The following VILL variants were observed in gnomAD, a reference collection of about 807,000 sequenced individuals.
VILL encodes villin like, also known as villin-like protein.
In VILL, 102 loss-of-function variants were observed where a neutral mutation model predicts 106.3. That is an observed-to-expected ratio of 0.96 (90% CI 0.82 to 1.13). The LOEUF (loss-of-function observed/expected upper bound fraction) is 1.13, where lower values mean the gene tolerates loss of function less well. Ranked by LOEUF, VILL falls within the 50% of genes most tolerant of loss-of-function variation. VILL has a pLI of 0.00. For synonymous variants in VILL, 431 were observed against 440.3 expected, an observed-to-expected ratio of 0.98 and a Z score of 0.27; for missense variants, 1,076 against 1,116.6, an observed-to-expected ratio of 0.96 and a Z score of 0.52.
At position 38,003,588 on chromosome 3, in the gene VILL, G is replaced by A. The variant is rs904469297; in HGVS notation, c.1805+275G>A. Reference sequence around the variant, plus strand: ...GCATTGTCCTGGTCCTGGGCCAGGGGACAAAGCACCCTTCCCCACCCTACA... The same window carrying A: ...GCATTGTCCTGGTCCTGGGCCAGGGAACAAAGCACCCTTCCCCACCCTACA... On this transcript the variant is annotated intron_variant, in intron 15 of 19. Coordinates refer to ENST00000383759, the MANE Select transcript of VILL (RefSeq NM_015873.4). The A allele has an allele frequency of 9.6e-5, 43 of 446,074 alleles. No individual in the cohort carries two copies. In the East Asian group the frequency reaches 1.8e-3, roughly 19 times the overall value. The allele number at this position is 446,074 out of a possible 1,614,324, so 27.6% of individuals were successfully genotyped here. A position where few individuals can be genotyped will look rare whatever the true frequency, so the allele number is the denominator to read the frequency against.
At chr3:37,993,173 C>G (rs570923459) in intron 1 of VILL, among the ~76,000 whole-genome samples, 1 of 152,228 alleles carries the variant, frequency 6.6e-6, no homozygotes, top group Admixed American at 6.5e-5. Context: ...CACTGTCATT[C>G]ACTGCCCTCT....
chr3:38,002,373 C>A, intron 13 of VILL, 23 bp from the exon 14 acceptor site: 2 of 1,581,070 alleles, frequency 1.3e-6, no homozygotes, highest in Non-Finnish European at 1.7e-6. Context: ...CCTTGCCCAG[C>A]CTGAGGCCTT....
In VILL at chr3:38,006,638, G is replaced by A. The variant is rs1253523138; in HGVS notation, c.2395G>A (p.Glu799Lys). 1.2e-5 allele frequency: 20 copies of A among 1,613,700 alleles called. No individual in the cohort carries two copies. Among genetic ancestry groups the A allele is most frequent in the Non-Finnish European group, 1.7e-5 (20 of 1,180,016 alleles). ...CACGATCAACGGGGGCCTGCGCCGG[G>A]AACAACTGATGCACCAGGCTGTTGA... ...SATINGGLRR[E>K]QLMHQAVEDL... Residue 799 changes from glutamate (E) to lysine (K), a missense_variant, in exon 19 of 20, where the codon GAA becomes AAA. By Grantham distance (56) the Glu-to-Lys change is moderately conservative (BLOSUM62 1). Coordinates refer to ENST00000383759, the MANE Select transcript of VILL (RefSeq NM_015873.4).
At chr3:37,995,323 C>T (rs1050081052) in intron 4 of VILL, among the ~76,000 whole-genome samples, 8 of 152,200 alleles carry the variant, frequency 5.3e-5, no homozygotes, top group Non-Finnish European at 1.2e-4. Context: ...CAAACATATG[C>T]GCAGATGCAG....
At position 37,997,692 on chromosome 3, in the gene VILL, AC is replaced by A. The variant is rs1699730376; in HGVS notation, c.764+11del. On this transcript the variant is annotated splice_region_variant and intron_variant, in intron 7 of 19. Transcript: ENST00000383759. The surrounding 1 kb of genome is among the most constrained non-coding windows in gnomAD (Gnocchi z 4.7). Reference sequence around the variant, plus strand: ...CCAATGTTCGCCTGTACCAGTGAGTACCCCTGGGGTGGGCAGGGGTGGGTGG... The same window carrying A: ...CCAATGTTCGCCTGTACCAGTGAGTACCCTGGGGTGGGCAGGGGTGGGTGG... 1 of 602,736 alleles carries A rather than the reference AC, an allele frequency of 1.7e-6. No homozygotes were observed. The highest frequency in any genetic ancestry group is 2.2e-5 in the African/African-American group (1 of 45,116). The allele number at this position is 602,736 out of a possible 1,614,324, so 37.3% of individuals were successfully genotyped here.
Position 37,995,726 on chromosome 3 carries a change from A to C in VILL, c.342-13A>C. ...CACAGAATGTATATACCCTCCTGCT[A>C]TTCCCACCTCAGCTACAGGAAGGGA... On this transcript the variant is annotated splice_polypyrimidine_tract_variant and intron_variant, in intron 4 of 19. Transcript: ENST00000383759. The C allele has an allele frequency of 1.9e-6, 3 of 1,608,440 alleles. No homozygotes were observed. The highest frequency in any genetic ancestry group is 2.6e-6 in the Non-Finnish European group (3 of 1,175,194).
Position 37,998,514 on chromosome 3 carries a change from A to C in VILL, c.942+150A>C, listed in dbSNP as rs950082462. On this transcript the variant is annotated intron_variant, in intron 9 of 19. Coordinates refer to ENST00000383759, the MANE Select transcript of VILL (RefSeq NM_015873.4). The surrounding 1 kb of genome is among the most constrained non-coding windows in gnomAD (Gnocchi z 4.1). ...TATGCTGGAGTCTTAAAGGGGAGGT[A>C]GCCCTGCCCTGGGAGCCCTGAGAGT... 3.5e-5 allele frequency: 26 copies of C among 749,104 alleles called. No individual in the cohort carries two copies. Among genetic ancestry groups the C allele is most frequent in the Middle Eastern group, 7.6e-4 (2 of 2,626 alleles). 46.4% of individuals were successfully genotyped at this position (749,104 alleles called of 1,614,324 possible). A position where few individuals can be genotyped will look rare whatever the true frequency, so the allele number is the denominator to read the frequency against.
At chr3:37,993,229 G>C (rs556826318) in intron 1 of VILL, among the ~76,000 whole-genome samples, 2 of 152,128 alleles carry the variant, frequency 1.3e-5, no homozygotes, top group East Asian at 1.9e-4. Context: ...GCACAGACTC[G>C]AGCAAGCTAA....
intron 16 of VILL, 143 bp from the exon 17 acceptor site, chr3:38,005,649 A>T: frequency 1.2e-6 from 1 of 822,866 alleles, no homozygotes; most frequent in Non-Finnish European, 1.9e-6. Context: ...GTGTGGGTAC[A>T]GCCGCTTGCT....
intron 16 of VILL, among the ~76,000 whole-genome samples, chr3:38,005,287 CACTGCTT>C (rs1699894414): frequency 1.3e-5 from 2 of 152,294 alleles, no homozygotes; most frequent in South Asian, 4.2e-4. Flanking sequence ...GCTCCCCCCT[CACTGCTT>C]CTGCTGCAGC....
upstream of VILL, among the ~76,000 whole-genome samples, chr3:37,988,787 G>A (rs1403669542): frequency 6.6e-6 from 1 of 152,142 alleles, no homozygotes; most frequent in Non-Finnish European, 1.5e-5. Flanking sequence ...ACTTGAACCC[G>A]GGAGGCGGAG....
chr3:38,006,468 TATCCAGATGGCCGGGCA>T lies in VILL; in HGVS notation c.2228_2244del (p.Ser743TrpfsTer21). The T allele has an allele frequency of 6.2e-7, 1 of 1,604,716 alleles. No homozygotes were observed. ...GGACAGGAAGTCAACAACTTGCGGC[TATCCAGATGGCCGGGCA>T]ATGGCAGGGCAGGTGCCGTGGCCCT... On this transcript the variant is annotated frameshift_variant, in exon 19 of 20. Transcript: ENST00000383759. LOFTEE classifies it high-confidence loss of function.
At position 38,006,644 on chromosome 3, in the gene VILL, C is replaced by T. The variant is rs1273060841; in HGVS notation, c.2401C>T (p.Leu801=). Residue 801 remains leucine (L), a synonymous_variant, in exon 19 of 20, where the codon CTG becomes TTG. Coordinates refer to ENST00000383759, the MANE Select transcript of VILL (RefSeq NM_015873.4). Reference sequence around the variant, plus strand: ...CAACGGGGGCCTGCGCCGGGAACAACTGATGCACCAGGCTGTTGAGGACCT... The same window carrying T: ...CAACGGGGGCCTGCGCCGGGAACAATTGATGCACCAGGCTGTTGAGGACCT... ...TINGGLRREQ[L]MHQAVEDLPE... 6.2e-7 allele frequency: 1 copy of T among 1,613,736 alleles called. No homozygotes were observed. Among genetic ancestry groups the T allele is most frequent in the Admixed American group, 1.7e-5 (1 of 60,026 alleles).
intron 12 of VILL, 30 bp downstream of exon 12, chr3:38,001,623 C>T (rs1040097458): frequency 5.6e-6 from 9 of 1,613,600 alleles, no homozygotes; most frequent in Non-Finnish European, 7.6e-6. Context: ...GCAGCACTCA[C>T]CTTAAAGCCC....
At chr3:38,005,625 G>A (rs995325473) in intron 16 of VILL, among the ~76,000 whole-genome samples, 167 bp from the exon 17 acceptor site, 4 of 152,182 alleles carry the variant, frequency 2.6e-5, no homozygotes, top group Non-Finnish European at 4.4e-5. Context: ...TGACCTTCTC[G>A]TGTGTTCACG....
At position 37,998,848 on chromosome 3, in the gene VILL, C is replaced by T. The variant is rs1286178460; in HGVS notation, c.943-64C>T. On this transcript the variant is annotated intron_variant, in intron 9 of 19. Transcript: ENST00000383759. The surrounding 1 kb of genome is among the most constrained non-coding windows in gnomAD (Gnocchi z 4.1). ...TCGGCTGTCCCAGAGCGGTAGGTCC[C>T]CAGGAGCGGCAGTGGGGCAGTGGAC... 4.5e-6 allele frequency: 7 copies of T among 1,544,274 alleles called. No homozygotes were observed. The East Asian group carries it at 1.4e-4, about 32-fold the overall frequency.
intron 13 of VILL, 177 bp downstream of exon 13, chr3:38,002,037 C>A: frequency 1.0e-6 from 1 of 1,003,118 alleles, no homozygotes. Flanking sequence ...CTGAGTTTCC[C>A]TCCCCAGTCC....
At chr3:38,003,365 A>C (rs1238260472) in intron 15 of VILL, 52 bp downstream of exon 15, 2 of 1,532,104 alleles carry the variant, frequency 1.3e-6, no homozygotes, top group Admixed American at 2.1e-5. Context: ...ATTGAGGCCC[A>C]GAGAGGAGGG....
Position 37,997,812 on chromosome 3 carries a change from A to G in VILL, c.764+127A>G. Reference sequence around the variant, plus strand: ...GGCTGCTGGGTTTCTGGGACAGGTCATGTGGACCGTGGGTCCAGCCTGTAC... The same window carrying G: ...GGCTGCTGGGTTTCTGGGACAGGTCGTGTGGACCGTGGGTCCAGCCTGTAC... On this transcript the variant is annotated intron_variant, in intron 7 of 19. Coordinates refer to ENST00000383759, the MANE Select transcript of VILL (RefSeq NM_015873.4). This position sits in a 1 kb window ranked among gnomAD's most constrained non-coding sequence, Gnocchi z 4.7. 1 of 1,101,082 alleles carries G rather than the reference A, an allele frequency of 9.1e-7. No homozygotes were observed. 68.2% of individuals were successfully genotyped at this position (1,101,082 alleles called of 1,614,324 possible).
Sources: allele counts gnomAD v4.1 joint callset (sites outside exome capture counted in the v4.1 genomes callset), GRCh38; gene constraint gnomAD v4.1.1; non-coding constraint Gnocchi (gnomAD v3.1); transcripts MANE v1.5; gene names NCBI Gene and HGNC (gene_info 2026-07-23, HGNC 2026-07-21).